The following ANO4 variants were observed in gnomAD, a reference collection of about 807,000 sequenced individuals.
The protein encoded by ANO4 is anoctamin 4, also known as anoctamin-4.
In ANO4, 69 loss-of-function variants were observed where a neutral mutation model predicts 141.9. That is an observed-to-expected ratio of 0.49 (90% CI 0.40 to 0.59). ANO4 has a LOEUF of 0.59. Ranked by LOEUF, ANO4 falls within the 20% of genes least tolerant of loss-of-function variation. The probability of loss-of-function intolerance (pLI) is 0.00; values close to 1 mark genes in which losing one functional copy is unlikely to be tolerated. For missense variants in ANO4, 894 were observed against 1,162.2 expected (o/e 0.77, Z 3.36); for synonymous variants, 350 against 394.3 (o/e 0.89, Z 1.33).
chr12:101,120,402 G>A (rs142210251), intron 25 of ANO4, 118 bp from the exon 26 acceptor site: 14 of 814,092 alleles, frequency 1.7e-5, no homozygotes, highest in South Asian at 1.5e-4. Flanking sequence ...CAGATATCTA[G>A]TATAGAGAAA....
At chr12:100,744,383 C>T (rs141624039) in intron 3 of ANO4, among the ~76,000 whole-genome samples, 152 of 152,204 alleles carry the variant, frequency 1.0e-3, no homozygotes, top group Middle Eastern at 6.8e-3. Flanking sequence ...ACCGATTTGG[C>T]GTCTGGTGAG....
At chr12:100,905,102 A>C (rs1362173799) in intron 2 of ANO4, among the ~76,000 whole-genome samples, 1 of 152,174 alleles carries the variant, frequency 6.6e-6, no homozygotes, top group Non-Finnish European at 1.5e-5. Flanking sequence ...GGTGGGGCTG[A>C]GTTCAGAAGT....
chr12:100,937,991 C>T (rs892355915), intron 3 of ANO4, among the ~76,000 whole-genome samples: 2 of 152,132 alleles, frequency 1.3e-5, no homozygotes, highest in Non-Finnish European at 2.9e-5. Context: ...AAAATCCTTT[C>T]GGTGATAAAA....
At chr12:100,729,806 A>C (rs962336039) in intron 1 of ANO4, among the ~76,000 whole-genome samples, 3 of 152,136 alleles carry the variant, frequency 2.0e-5, no homozygotes, top group Non-Finnish European at 2.9e-5. Context: ...GGCTCTTTGT[A>C]CTTTTGCTCT....
chr12:101,003,453 A>G (rs1013390902), intron 8 of ANO4, among the ~76,000 whole-genome samples: 2 of 152,254 alleles, frequency 1.3e-5, no homozygotes, highest in African/African-American at 4.8e-5. Flanking sequence ...TCAATGTGGT[A>G]GGGAATTATA....
chr12:100,721,728 G>C (rs947411432), intron 1 of ANO4, among the ~76,000 whole-genome samples: 9 of 152,116 alleles, frequency 5.9e-5, no homozygotes, highest in African/African-American at 2.2e-4. Flanking sequence ...GCCCAGGCTG[G>C]ATTGCAGTGG....
chr12:101,043,683 C>CA, intron 13 of ANO4, 48 bp downstream of exon 13: 21 of 1,362,018 alleles, frequency 1.5e-5, no homozygotes, highest in Middle Eastern at 1.8e-4. Flanking sequence ...TAACATACAC[C>CA]TTCCTGAGGG....
chr12:101,089,937 G>T (rs1230000533), intron 17 of ANO4, among the ~76,000 whole-genome samples: 1 of 152,156 alleles, frequency 6.6e-6, no homozygotes, highest in African/African-American at 2.4e-5. Flanking sequence ...AGTGAGCAAA[G>T]GATATGAACA....
intron 1 of ANO4, among the ~76,000 whole-genome samples, chr12:100,799,892 C>T (rs2034578071): frequency 6.6e-6 from 1 of 152,096 alleles, no homozygotes; most frequent in South Asian, 2.1e-4. Flanking sequence ...TACTCAGAAC[C>T]CTGCTCCATT....
chr12:100,763,308 G>A (rs2032953850), intron 3 of ANO4, among the ~76,000 whole-genome samples: 2 of 152,198 alleles, frequency 1.3e-5, no homozygotes, highest in African/African-American at 4.8e-5. Context: ...GAGCCAGTGG[G>A]TACTGCCCCT....
intron 3 of ANO4, among the ~76,000 whole-genome samples, chr12:100,744,026 C>A (rs1345798019): frequency 1.3e-5 from 2 of 152,164 alleles, no homozygotes; most frequent in Non-Finnish European, 2.9e-5. Context: ...AGCTGATCCT[C>A]AATCACTCCA....
At chr12:100,789,291 C>T (rs1251057951) in intron 3 of ANO4, among the ~76,000 whole-genome samples, 1 of 152,160 alleles carries the variant, frequency 6.6e-6, no homozygotes, top group Non-Finnish European at 1.5e-5. Flanking sequence ...CTTCCCACTC[C>T]ACTCTTTCCA....
intron 8 of ANO4, among the ~76,000 whole-genome samples, chr12:101,009,884 A>G (rs2046013740): frequency 6.6e-6 from 1 of 152,008 alleles, no homozygotes; most frequent in Non-Finnish European, 1.5e-5. Context: ...TAATGTCCTT[A>G]TCTTCCTCTT....
At chr12:100,824,605 G>T (rs1593435978) in intron 1 of ANO4, among the ~76,000 whole-genome samples, 2 of 151,974 alleles carry the variant, frequency 1.3e-5, no homozygotes, top group Admixed American at 1.3e-4. Context: ...ATGTGACTCT[G>T]AATAATGCCA....
intron 22 of ANO4, among the ~76,000 whole-genome samples, chr12:101,109,515 C>T (rs2050578709): frequency 6.6e-6 from 1 of 151,918 alleles, no homozygotes; most frequent in African/African-American, 2.4e-5. Context: ...GAGCCGAGAT[C>T]GTGCTGCTAC....
chr12:100,943,662 C>A (rs1592790389), intron 5 of ANO4, among the ~76,000 whole-genome samples: 1 of 152,138 alleles, frequency 6.6e-6, no homozygotes, highest in Non-Finnish European at 1.5e-5. Flanking sequence ...AAAGAAGAAC[C>A]AGCTTTCTCA....
intron 1 of ANO4, among the ~76,000 whole-genome samples, chr12:100,869,859 C>A (rs1387107941): frequency 6.7e-6 from 1 of 150,350 alleles, no homozygotes; most frequent in East Asian, 1.9e-4. Context: ...GCCTCTGCCA[C>A]TGACCTCCCA....
At chr12:101,030,019 A>G (rs906536271) in intron 9 of ANO4, among the ~76,000 whole-genome samples, 1 of 152,264 alleles carries the variant, frequency 6.6e-6, no homozygotes, top group Admixed American at 6.5e-5. Context: ...AGACTCCCAT[A>G]CAATAATAGT....
At chr12:101,088,544 G>C (rs753847059) in intron 17 of ANO4, among the ~76,000 whole-genome samples, 13 of 151,312 alleles carry the variant, frequency 8.6e-5, no homozygotes, top group Admixed American at 8.6e-4. Context: ...TTTTTTCACT[G>C]TTGTTATTCC....
Sources: gnomAD v4.1 joint callset for allele counts (sites outside exome capture counted in the v4.1 genomes callset) on GRCh38, gnomAD v4.1.1 for gene constraint, MANE v1.5 for transcripts, NCBI Gene and HGNC (gene_info 2026-07-23, HGNC 2026-07-21) for gene names.